Variants in PRR16 observed in about 807,000 individuals in gnomAD.
PRR16 encodes proline rich 16, also known as protein Largen.
PRR16 carries 6 observed loss-of-function variants against 18.2 expected under a neutral mutation model. The observed-to-expected ratio is 0.33, with a 90% CI of 0.18 to 0.65. PRR16 has a LOEUF of 0.65. PRR16 is among the 30% of genes least tolerant of loss of function. The pLI, the probability that PRR16 is intolerant of heterozygous loss-of-function variation, is 0.74. For missense variants in PRR16, 412 were observed against 376.6 expected (o/e 1.09, Z -0.78); for synonymous variants, 151 against 147.8 (o/e 1.02, Z -0.16).
intron 1 of PRR16, among the ~76,000 whole-genome samples, chr5:120,560,338 TATCATGAAGGA>T (rs1179532632): frequency 6.6e-6 from 1 of 152,028 alleles, no homozygotes. Context: ...TAAGGGTTTT[TATCATGAAGGA>T]ATGTTAAATT....
the PRR16 span, among the ~76,000 whole-genome samples, chr5:120,782,427 G>GGCTTCAC: frequency 2.0e-5 from 3 of 152,262 alleles, no homozygotes; most frequent in East Asian, 5.8e-4. Flanking sequence ...TTCAAATTGT[G>GGCTTCAC]TTTTAAAAGT....
At chr5:120,651,469 A>G (rs1755786797) in intron 1 of PRR16, among the ~76,000 whole-genome samples, 1 of 152,100 alleles carries the variant, frequency 6.6e-6, no homozygotes, top group South Asian at 2.1e-4. Context: ...TAGGTCTAAC[A>G]TTTAAGTCTT....
chr5:120,617,252 A>G (rs762558747), intron 1 of PRR16: 3 of 785,094 alleles, frequency 3.8e-6, no homozygotes. Flanking sequence ...CAACATTTCT[A>G]AGAAACATGC....
intron 1 of PRR16, among the ~76,000 whole-genome samples, chr5:120,644,249 C>T (rs1755518982): frequency 6.6e-6 from 1 of 152,006 alleles, no homozygotes; most frequent in African/African-American, 2.4e-5. Flanking sequence ...ATAGGGTAAG[C>T]ATTCAGTAAA....
intron 1 of PRR16, among the ~76,000 whole-genome samples, chr5:120,672,225 G>T (rs915023588): frequency 6.8e-6 from 1 of 146,826 alleles, no homozygotes; most frequent in Admixed American, 7.0e-5. Context: ...TTCTTGAAGG[G>T]CAGGTGAGGG....
chr5:120,779,018 AGG>A, the PRR16 span, among the ~76,000 whole-genome samples: 1 of 152,180 alleles, frequency 6.6e-6, no homozygotes, highest in Non-Finnish European at 1.5e-5. Flanking sequence ...TTCTGATTGA[AGG>A]TACTCTCATT....
At chr5:120,685,665 C>T (rs1757095977) in intron 1 of PRR16, among the ~76,000 whole-genome samples, 1 of 152,022 alleles carries the variant, frequency 6.6e-6, no homozygotes, top group African/African-American at 2.4e-5. Context: ...ATTCCTGCAT[C>T]AGGTTTCATA....
At position 120,490,262 on chromosome 5, in the gene PRR16, C is replaced by T. The variant is rs533119080; in HGVS notation, c.159+25617C>T. ...TGCAGAGTGTTTTCCATCTTGGTTC[C>T]ATTCTCCCCGTCACTTTCATGTACC... On this transcript the variant is annotated intron_variant, in intron 1 of 1. Transcript: ENST00000407149. Among the ~76,000 whole-genome samples the T allele has an allele frequency of 2.7e-3, 418 of 152,306 alleles. 1 individual carries two copies. Among genetic ancestry groups the T allele is most frequent in the Non-Finnish European group, 4.9e-3 (335 of 68,034 alleles).
intron 1 of PRR16, among the ~76,000 whole-genome samples, chr5:120,540,457 T>C (rs1367836253): frequency 6.6e-6 from 1 of 152,232 alleles, no homozygotes; most frequent in Non-Finnish European, 1.5e-5. Flanking sequence ...TGGCCGGGCC[T>C]CTCTTAACCA....
the PRR16 span, among the ~76,000 whole-genome samples, chr5:120,742,647 A>G: frequency 6.6e-6 from 1 of 152,152 alleles, no homozygotes; most frequent in African/African-American, 2.4e-5. Flanking sequence ...AAAATAATGC[A>G]TCTAAACTTC....
chr5:120,696,923 T>C, the PRR16 span, among the ~76,000 whole-genome samples: 24 of 152,182 alleles, frequency 1.6e-4, no homozygotes, highest in African/African-American at 5.8e-4. Flanking sequence ...TTTAAATAGT[T>C]TATGAAAGAA....
intron 1 of PRR16, among the ~76,000 whole-genome samples, chr5:120,680,248 G>A (rs1222498382): frequency 1.3e-5 from 2 of 152,008 alleles, no homozygotes; most frequent in Non-Finnish European, 2.9e-5. Context: ...TGAATTTGAT[G>A]TGTATTATTT....
chr5:120,606,433 T>A (rs1002833236), intron 1 of PRR16, among the ~76,000 whole-genome samples: 1 of 152,234 alleles, frequency 6.6e-6, no homozygotes, highest in Non-Finnish European at 1.5e-5. Flanking sequence ...CATTTTTATA[T>A]ACTTTTTTAT....
At chr5:120,775,018 C>T in the PRR16 span, among the ~76,000 whole-genome samples, 372 of 152,118 alleles carry the variant, frequency 2.4e-3, no homozygotes, top group Non-Finnish European at 3.7e-3. Context: ...ATTGTTTTTC[C>T]GCACATACTC....
chr5:120,667,477 T>G (rs996549573), intron 1 of PRR16, among the ~76,000 whole-genome samples: 57 of 151,978 alleles, frequency 3.8e-4, no homozygotes, highest in Non-Finnish European at 5.9e-5. Flanking sequence ...TGATTTTAGT[T>G]ATTTCTTGCC....
chr5:120,712,050 T>C, the PRR16 span, among the ~76,000 whole-genome samples: 1 of 152,218 alleles, frequency 6.6e-6, no homozygotes, highest in Non-Finnish European at 1.5e-5. Flanking sequence ...ATGTTTTTAG[T>C]GCTCTGTATA....
At chr5:120,656,391 T>C (rs1185002118) in intron 1 of PRR16, among the ~76,000 whole-genome samples, 1 of 150,438 alleles carries the variant, frequency 6.6e-6, no homozygotes, top group African/African-American at 2.5e-5. Context: ...AAAACTGTTA[T>C]CTTCCTCCAT....
At chr5:120,476,613 G>A (rs1398117844) in intron 1 of PRR16, among the ~76,000 whole-genome samples, 1 of 152,024 alleles carries the variant, frequency 6.6e-6, no homozygotes, top group African/African-American at 2.4e-5. Flanking sequence ...TTCTACTTGT[G>A]TGTGAGAGCC....
At chr5:120,779,388 A>G in the PRR16 span, among the ~76,000 whole-genome samples, 2 of 152,078 alleles carry the variant, frequency 1.3e-5, no homozygotes, top group Non-Finnish European at 2.9e-5. Flanking sequence ...AACATTCTGA[A>G]AGCAGAGCTT....
Sources: gnomAD v4.1 joint callset for allele counts (sites outside exome capture counted in the v4.1 genomes callset) on GRCh38, gnomAD v4.1.1 for gene constraint, MANE v1.5 for transcripts, NCBI Gene and HGNC (gene_info 2026-07-23, HGNC 2026-07-21) for gene names.